Variants in MOB1B observed in about 807,000 individuals in gnomAD.
MOB1B encodes the protein MOB1 Mps One Binder homolog B.
MOB1B carries 19 observed loss-of-function variants against 24.4 expected under a neutral mutation model. That is an observed-to-expected ratio of 0.78 (90% CI 0.54 to 1.14). The LOEUF (loss-of-function observed/expected upper bound fraction) is 1.14. Ranked by LOEUF, MOB1B falls within the 50% of genes most tolerant of loss-of-function variation. The probability of loss-of-function intolerance (pLI) is 0.00; values close to 1 mark genes in which losing one functional copy is unlikely to be tolerated. For synonymous variants in MOB1B, 76 were observed against 82.1 expected (o/e 0.93, Z 0.40); for missense variants, 243 against 259.6 (o/e 0.94, Z 0.44).
At chr4:70,909,250 C>T (rs1449642904) in intron 1 of MOB1B, among the ~76,000 whole-genome samples, 1 of 152,030 alleles carries the variant, frequency 6.6e-6, no homozygotes, top group Non-Finnish European at 1.5e-5. Context: ...TCACTTCCCC[C>T]CAAGCCCCCA....
chr4:70,907,927 C>T (rs1242910413), intron 1 of MOB1B, among the ~76,000 whole-genome samples: 1 of 152,130 alleles, frequency 6.6e-6, no homozygotes, highest in Non-Finnish European at 1.5e-5. Flanking sequence ...ATTATAGGTG[C>T]ATGCTACCAC....
At chr4:70,929,879 C>A (rs144457097) in intron 1 of MOB1B, among the ~76,000 whole-genome samples, 1 of 151,730 alleles carries the variant, frequency 6.6e-6, no homozygotes, top group Admixed American at 6.6e-5. Context: ...GTGATCCGCC[C>A]GCCTCGGCCT....
intron 1 of MOB1B, among the ~76,000 whole-genome samples, chr4:70,920,522 G>C (rs1736391842): frequency 6.6e-6 from 1 of 152,222 alleles, no homozygotes; most frequent in African/African-American, 2.4e-5. Context: ...ACTGAACCTG[G>C]CTTCTTATTA....
At chr4:70,931,889 C>T (rs1280985486) in intron 1 of MOB1B, among the ~76,000 whole-genome samples, 1 of 152,000 alleles carries the variant, frequency 6.6e-6, no homozygotes, top group East Asian at 1.9e-4. Context: ...TGCACCATGC[C>T]TGGCTAAGTT....
intron 1 of MOB1B, among the ~76,000 whole-genome samples, chr4:70,952,982 G>A (rs571828613): frequency 8.0e-6 from 1 of 125,696 alleles, no homozygotes; most frequent in East Asian, 2.5e-4. Flanking sequence ...TCGCCCTGTC[G>A]CCCAGCCTGG....
intron 1 of MOB1B, among the ~76,000 whole-genome samples, chr4:70,909,858 G>C (rs1388977964): frequency 1.3e-5 from 2 of 152,200 alleles, no homozygotes; most frequent in Non-Finnish European, 2.9e-5. Flanking sequence ...CTCCTGAGTA[G>C]CTGGGATTAC....
intron 2 of MOB1B, among the ~76,000 whole-genome samples, chr4:70,959,908 A>G (rs1401757084): frequency 6.6e-6 from 1 of 151,810 alleles, no homozygotes; most frequent in East Asian, 1.9e-4. Context: ...TTTGAGATCG[A>G]CTCTTGCTCT....
chr4:70,946,317 C>T (rs1387998828), intron 1 of MOB1B, among the ~76,000 whole-genome samples: 3 of 151,964 alleles, frequency 2.0e-5, no homozygotes, highest in African/African-American at 4.8e-5. Context: ...TAAGATTTTT[C>T]TTCAACATCA....
At chr4:70,935,847 ATTTTTTTTT>A (rs11395356) in intron 1 of MOB1B, among the ~76,000 whole-genome samples, 1 of 100,396 alleles carries the variant, frequency 1.0e-5, no homozygotes, top group Non-Finnish European at 1.8e-5. Context: ...TGGTACACTA[ATTTTTTTTT>A]TTTTTTTTTT....
At position 70,960,580 on chromosome 4, in the gene MOB1B, G is replaced by A. The variant is rs145306417; in HGVS notation, c.181+1540G>A. Among the ~76,000 whole-genome samples the A allele has an allele frequency of 1.7e-3, 260 of 152,172 alleles. 1 individual carries two copies. The highest frequency in any genetic ancestry group is 6.0e-3 in the African/African-American group (249 of 41,506). On this transcript the variant is annotated intron_variant, in intron 2 of 5. Transcript: ENST00000309395. Reference sequence around the variant, plus strand: ...CCTCTAATACCTTTTAGGAACCAGGGGATTTTATTGTGATGTCTTAAAACT... The same window carrying A: ...CCTCTAATACCTTTTAGGAACCAGGAGATTTTATTGTGATGTCTTAAAACT...
chr4:70,942,300 T>C (rs949788931), intron 1 of MOB1B, among the ~76,000 whole-genome samples: 18 of 152,186 alleles, frequency 1.2e-4, no homozygotes, highest in African/African-American at 4.1e-4. Flanking sequence ...TGCCATTTAA[T>C]ATTCTAGTGG....
At chr4:70,926,924 G>A (rs1389129821) in intron 1 of MOB1B, among the ~76,000 whole-genome samples, 2 of 151,592 alleles carry the variant, frequency 1.3e-5, no homozygotes, top group Non-Finnish European at 2.9e-5. Flanking sequence ...GCAAACTCAG[G>A]AGGTGGAGCT....
At chr4:70,961,285 A>G (rs1246121960) in intron 2 of MOB1B, among the ~76,000 whole-genome samples, 1 of 152,170 alleles carries the variant, frequency 6.6e-6, no homozygotes, top group Non-Finnish European at 1.5e-5. Flanking sequence ...CTTCACTCTG[A>G]TAACCAAGGT....
intron 1 of MOB1B, among the ~76,000 whole-genome samples, chr4:70,940,646 G>A (rs1033875348): frequency 6.6e-6 from 1 of 151,048 alleles, no homozygotes; most frequent in Non-Finnish European, 1.5e-5. Flanking sequence ...TTGTTTTCAG[G>A]TTAATAATAA....
intron 1 of MOB1B, among the ~76,000 whole-genome samples, chr4:70,931,664 C>A (rs1160087885): frequency 1.3e-5 from 2 of 152,178 alleles, no homozygotes; most frequent in African/African-American, 4.8e-5. Flanking sequence ...TGTATAAATA[C>A]ATTCTGGTGA....
intron 2 of MOB1B, among the ~76,000 whole-genome samples, chr4:70,969,432 G>A (rs1738665760): frequency 6.6e-6 from 1 of 152,134 alleles, no homozygotes; most frequent in African/African-American, 2.4e-5. Flanking sequence ...TGCCCAGCCT[G>A]GTTCTTTAAG....
rs146378125 is a variant in MOB1B, at chr4:70,903,792, A to T, written c.14+1242A>T. On this transcript the variant is annotated intron_variant, in intron 1 of 5. Coordinates refer to ENST00000309395, the MANE Select transcript of MOB1B (RefSeq NM_173468.4). ...AACTGAACAAGGCTGACCTAGGGGCAGACTTGATATTTCCAATATGCATAG... is the reference window on the plus strand; with the variant it reads ...AACTGAACAAGGCTGACCTAGGGGCTGACTTGATATTTCCAATATGCATAG... Among the ~76,000 whole-genome samples, 719 of 152,016 alleles carry T rather than the reference A, an allele frequency of 4.7e-3. 9 individuals are homozygous for T. Among genetic ancestry groups the T allele is most frequent in the African/African-American group, 0.017 (684 of 41,452 alleles).
intron 1 of MOB1B, among the ~76,000 whole-genome samples, chr4:70,953,096 G>C (rs576106889): frequency 6.6e-6 from 1 of 152,016 alleles, no homozygotes; most frequent in Admixed American, 6.6e-5. Flanking sequence ...CTGCCACCAT[G>C]TCCGGCTAAT....
At chr4:70,962,898 G>T (rs1738362165) in intron 2 of MOB1B, among the ~76,000 whole-genome samples, 1 of 152,000 alleles carries the variant, frequency 6.6e-6, no homozygotes, top group Non-Finnish European at 1.5e-5. Flanking sequence ...CAGCTACTTG[G>T]CAGGCTGAGG....
Sources: gnomAD v4.1 joint callset for allele counts (sites outside exome capture counted in the v4.1 genomes callset) on GRCh38, gnomAD v4.1.1 for gene constraint, MANE v1.5 for transcripts, NCBI Gene and HGNC (gene_info 2026-07-23, HGNC 2026-07-21) for gene names.